Variants in CADM2 observed in about 807,000 individuals in gnomAD.
CADM2 encodes immunoglobulin superfamily member 4D.
A neutral mutation model predicts 49.8 loss-of-function variants in CADM2; 12 were observed. The ratio of observed to expected loss-of-function variants is 0.24; its 90% CI spans 0.15 to 0.39. The LOEUF is 0.39. Among genes scored for constraint, CADM2 ranks in the 10% least tolerant of loss-of-function variants. CADM2 has a pLI of 1.00. For synonymous variants in CADM2, 214 were observed against 175.4 expected, an observed-to-expected ratio of 1.22 and a Z score of -1.74; for missense variants, 378 against 492.3, an observed-to-expected ratio of 0.77 and a Z score of 2.20.
chr3:85,192,946 A>G (rs2041244169), intron 1 of CADM2, among the ~76,000 whole-genome samples: 1 of 152,146 alleles, frequency 6.6e-6, no homozygotes, highest in South Asian at 2.1e-4. Context: ...CTGGAAATAT[A>G]AATGATGCAA....
At chr3:85,031,551 G>C (rs2034978019) in intron 1 of CADM2, among the ~76,000 whole-genome samples, 1 of 152,098 alleles carries the variant, frequency 6.6e-6, no homozygotes, top group East Asian at 1.9e-4. Context: ...GTCTCGCTCT[G>C]TCGCCCGGGC....
At chr3:84,997,467 A>C (rs2107201058) in intron 1 of CADM2, among the ~76,000 whole-genome samples, 1 of 152,206 alleles carries the variant, frequency 6.6e-6, no homozygotes, top group Admixed American at 6.6e-5. Flanking sequence ...TTAACAACAT[A>C]GAAAATATAA....
intron 1 of CADM2, among the ~76,000 whole-genome samples, chr3:85,269,952 C>T (rs967356381): frequency 5.3e-5 from 8 of 151,132 alleles, no homozygotes; most frequent in Non-Finnish European, 8.9e-5. Flanking sequence ...CCCACAATAT[C>T]GTTTACAGGC....
intron 1 of CADM2, among the ~76,000 whole-genome samples, chr3:85,367,733 A>G (rs1317951490): frequency 6.6e-6 from 1 of 151,904 alleles, no homozygotes; most frequent in African/African-American, 2.4e-5. Flanking sequence ...TATGACTTGA[A>G]ATGAAAAGGA....
intron 1 of CADM2, among the ~76,000 whole-genome samples, chr3:85,378,525 C>G (rs2033721604): frequency 6.6e-6 from 1 of 151,944 alleles, no homozygotes; most frequent in Non-Finnish European, 1.5e-5. Context: ...GAGGACAAAC[C>G]AAATCTATTT....
In CADM2 at chr3:85,110,389, A is replaced by G. The variant is rs189773773; in HGVS notation, c.61+150721A>G. ...TGAGCAAAGTCAAAAGAGAGACACAACACTCTCATTTCTTAACCTGGTATC... is the reference window on the plus strand; with the variant it reads ...TGAGCAAAGTCAAAAGAGAGACACAGCACTCTCATTTCTTAACCTGGTATC... On this transcript the variant is annotated intron_variant, in intron 1 of 9. Transcript: ENST00000383699. Among the ~76,000 whole-genome samples the G allele has an allele frequency of 1.2e-4, 18 of 151,944 alleles. No individual in the cohort carries two copies. The East Asian group carries it at 3.3e-3, about 28-fold the overall frequency.
At chr3:85,659,136 GCA>G (rs1419824737) in intron 1 of CADM2, among the ~76,000 whole-genome samples, 1 of 151,022 alleles carries the variant, frequency 6.6e-6, no homozygotes, top group African/African-American at 2.4e-5. Context: ...TTTAGTCCAA[GCA>G]CCGTGGAGGA....
intron 1 of CADM2, among the ~76,000 whole-genome samples, chr3:85,426,042 C>T (rs777797438): frequency 1.4e-4 from 22 of 152,184 alleles, no homozygotes; most frequent in African/African-American, 2.4e-4. Flanking sequence ...TTATGCAAGC[C>T]GTGCCTCAGT....
At chr3:85,133,796 C>T (rs1228669545) in intron 1 of CADM2, among the ~76,000 whole-genome samples, 1 of 152,252 alleles carries the variant, frequency 6.6e-6, no homozygotes, top group Non-Finnish European at 1.5e-5. Flanking sequence ...CAGCTGGCTT[C>T]ACCCAGTGGA....
intron 1 of CADM2, among the ~76,000 whole-genome samples, chr3:85,594,679 G>A (rs897016472): frequency 2.0e-5 from 3 of 151,930 alleles, no homozygotes; most frequent in African/African-American, 7.2e-5. Flanking sequence ...AAGACAGAGA[G>A]CATATGACAC....
intron 1 of CADM2, among the ~76,000 whole-genome samples, chr3:85,295,031 A>T (rs2043917742): frequency 6.6e-6 from 1 of 152,166 alleles, no homozygotes; most frequent in Non-Finnish European, 1.5e-5. Flanking sequence ...AAATTTTCAC[A>T]ACCTACTCAT....
intron 5 of CADM2, among the ~76,000 whole-genome samples, chr3:85,891,700 G>A (rs1714456665): frequency 6.6e-6 from 1 of 152,206 alleles, no homozygotes; most frequent in African/African-American, 2.4e-5. Flanking sequence ...GCAAAGAACT[G>A]TGGGTGACCT....
chr3:85,467,621 AC>A (rs965862478), intron 1 of CADM2, among the ~76,000 whole-genome samples: 3 of 151,938 alleles, frequency 2.0e-5, no homozygotes, highest in African/African-American at 7.3e-5. Context: ...TAAAAAAAAA[AC>A]ACTCTGTTAA....
intron 8 of CADM2, among the ~76,000 whole-genome samples, chr3:86,045,552 C>G (rs1190496721): frequency 6.6e-6 from 1 of 152,092 alleles, no homozygotes; most frequent in African/African-American, 2.4e-5. Context: ...AGCAGATGTT[C>G]CTTTAAACCG....
chr3:85,796,698 C>A (rs937234805), intron 2 of CADM2, among the ~76,000 whole-genome samples: 1 of 152,102 alleles, frequency 6.6e-6, no homozygotes, highest in Non-Finnish European at 1.5e-5. Flanking sequence ...TGGTGCCAAT[C>A]AACACACTTC....
intron 1 of CADM2, among the ~76,000 whole-genome samples, chr3:85,420,973 A>G (rs1467776005): frequency 2.6e-5 from 4 of 152,178 alleles, no homozygotes; most frequent in African/African-American, 9.7e-5. Context: ...CATAGCAATA[A>G]TGGGGATGCA....
chr3:85,995,213 C>A (rs753738395), intron 8 of CADM2, among the ~76,000 whole-genome samples: 6 of 151,950 alleles, frequency 3.9e-5, no homozygotes, highest in Admixed American at 1.3e-4. Flanking sequence ...TTCCATATTT[C>A]TATAACATCT....
At chr3:85,074,699 C>G (rs1042681022) in intron 1 of CADM2, among the ~76,000 whole-genome samples, 1 of 151,998 alleles carries the variant, frequency 6.6e-6, no homozygotes, top group Non-Finnish European at 1.5e-5. Context: ...CATGATAATT[C>G]TGTTTAAATC....
intron 3 of CADM2, among the ~76,000 whole-genome samples, chr3:85,836,826 C>T (rs901988752): frequency 3.3e-5 from 5 of 151,488 alleles, no homozygotes; most frequent in African/African-American, 4.8e-5. Flanking sequence ...GATTTTGATA[C>T]GAGCAAAATG....
Sources: gnomAD v4.1 joint callset for allele counts (sites outside exome capture counted in the v4.1 genomes callset) on GRCh38, gnomAD v4.1.1 for gene constraint, MANE v1.5 for transcripts, NCBI Gene and HGNC (gene_info 2026-07-23, HGNC 2026-07-21) for gene names.